Variants in GCM2 observed in about 807,000 individuals in gnomAD.
GCM2 encodes the protein GCM transcription factor 2.
Under a neutral mutation model 24.8 loss-of-function variants are expected in GCM2, and 21 were observed. That is an observed-to-expected ratio of 0.85 (90% CI 0.60 to 1.22). The LOEUF (loss-of-function observed/expected upper bound fraction) is 1.22. Ranked by LOEUF, GCM2 falls within the 50% of genes most tolerant of loss-of-function variation. GCM2 has a pLI of 0.00. For synonymous variants in GCM2, 222 were observed against 238.0 expected, an observed-to-expected ratio of 0.93 and a Z score of 0.62; for missense variants, 532 against 645.6, an observed-to-expected ratio of 0.82 and a Z score of 1.91.
chr6:10,877,476 A>G (rs545524583), intron 1 of GCM2, 84 bp from the exon 2 acceptor site: 2 of 1,429,470 alleles, frequency 1.4e-6, no homozygotes, highest in Non-Finnish European at 2.0e-6. Context: ...TGAGCACATT[A>G]GGATACAAAC....
Position 10,881,851 on chromosome 6 carries a change from C to A in GCM2, c.-58G>T. The A allele has an allele frequency of 7.4e-7, 1 of 1,358,362 alleles. No individual in the cohort carries two copies. The highest frequency in any genetic ancestry group is 1.0e-6 in the Non-Finnish European group (1 of 962,900). 84.1% of individuals were successfully genotyped at this position (1,358,362 alleles called of 1,614,324 possible). A position where few individuals can be genotyped will look rare whatever the true frequency, so the allele number is the denominator to read the frequency against. ...TTCTGAAAAATAGAAGAAAAAAGGA[C>A]AGGTGCGCCAGGTGGGTTTTTTTTC... On this transcript the variant is annotated 5_prime_UTR_variant, in exon 1 of 5. Coordinates refer to ENST00000379491, the MANE Select transcript of GCM2 (RefSeq NM_004752.4).
At chr6:10,879,984 G>A (rs750864145) in intron 1 of GCM2, among the ~76,000 whole-genome samples, 9 of 152,150 alleles carry the variant, frequency 5.9e-5, no homozygotes, top group East Asian at 1.9e-4. Flanking sequence ...GGCCAGGCAC[G>A]GTGGCTCACG....
In GCM2 at chr6:10,874,252, C is replaced by G; in HGVS notation, c.1264G>C (p.Gly422Arg). The change falls in exon 5 of 5, where the codon GGG becomes CGG. Residue 422 changes from glycine (G) to arginine (R), a missense_variant. Around this residue, in one of 3 missense-constraint regions of GCM2, gnomAD observed 434 missense variants for 521.9 expected, o/e 0.83. Transcript: ENST00000379491. ...SSCNYAPEDTGMSVYPEPWGP... is the reference protein window; with the variant it reads ...SSCNYAPEDTRMSVYPEPWGP... ...CAGGGTTCTGGATAGACAGACATCC[C>G]AGTATCTTCAGGAGCATAGTTACAG... 6.2e-7 allele frequency: 1 copy of G among 1,614,194 alleles called. No individual in the cohort carries two copies. Among genetic ancestry groups the G allele is most frequent in the Non-Finnish European group, 8.5e-7 (1 of 1,180,036 alleles).
In GCM2 at chr6:10,881,790, G is replaced by A. The variant is rs17581133; in HGVS notation, c.4C>T (p.Pro2Ser). 1 of 1,607,212 alleles carries A rather than the reference G, an allele frequency of 6.2e-7. No individual in the cohort carries two copies. The highest frequency in any genetic ancestry group is 8.5e-7 in the Non-Finnish European group (1 of 1,179,774). The change falls in exon 1 of 5, where the codon CCG (proline) becomes TCG (serine). Residue 2 changes from proline to serine, a missense_variant. Around this residue, in one of 3 missense-constraint regions of GCM2, gnomAD observed 96 missense variants for 103.5 expected, o/e 0.93. Coordinates refer to ENST00000379491, the MANE Select transcript of GCM2 (RefSeq NM_004752.4). M[P>S]AAAVQEAVGV... is the part of the protein sequence containing the mutation. ...ACCGCTTCCTGCACCGCGGCCGCCG[G>A]CATCTGCCCAACTCGCTCGCGCTTT...
intron 3 of GCM2, 119 bp downstream of exon 3, chr6:10,876,326 T>G: frequency 1.3e-6 from 1 of 760,916 alleles, no homozygotes; most frequent in South Asian, 1.4e-5. Context: ...AGCACCTATT[T>G]CTGGCCACTG....
At chr6:10,876,123 G>T in intron 3 of GCM2, 107 bp from the exon 4 acceptor site, 1 of 1,220,704 alleles carries the variant, frequency 8.2e-7, no homozygotes, top group Non-Finnish European at 1.2e-6. Context: ...GTTTAGTTTT[G>T]TTTCTTTCAA....
chr6:10,876,311 G>A, intron 3 of GCM2, 134 bp downstream of exon 3: 1 of 735,430 alleles, frequency 1.4e-6, no homozygotes, highest in Non-Finnish European at 2.5e-6. Flanking sequence ...TCCCTGGGGA[G>A]CTCCAGCACC....
Position 10,874,070 on chromosome 6 carries a change from C to T in GCM2, c.1446G>A (p.Leu482=), listed in dbSNP as rs1779840158. The T allele has an allele frequency of 1.2e-6, 2 of 1,614,232 alleles. No homozygotes were observed. Among genetic ancestry groups the T allele is most frequent in the African/African-American group, 1.3e-5 (1 of 75,072 alleles). Residue 482 remains leucine (L), a synonymous_variant, in exon 5 of 5, where the codon CTG becomes CTA. Transcript: ENST00000379491. The part of the protein sequence containing the change: ...TDEAETWDVC[L]SGLGSAVSYS... ...AACTGACTGCGGAGCCCAGCCCAGA[C>T]AGACACACATCCCAAGTCTCTGCTT...
chr6:10,876,589 C>A, intron 2 of GCM2, 32 bp from the exon 3 acceptor site: 1 of 1,374,646 alleles, frequency 7.3e-7, no homozygotes, highest in South Asian at 1.2e-5. Context: ...AATATTAACC[C>A]TGACCCCAGA....
At position 10,881,749 on chromosome 6, in the gene GCM2, G is replaced by T. The variant is rs980629497; in HGVS notation, c.45C>A (p.Tyr15Ter). 1.2e-5 allele frequency: 20 copies of T among 1,611,112 alleles called. No individual in the cohort carries two copies. Among genetic ancestry groups the T allele is most frequent in the Non-Finnish European group, 1.7e-5 (20 of 1,179,964 alleles). ...AVQEAVGVCS[Y>*]GMQLSWDIND... The stretch of plus-strand genomic sequence containing the variant: ...TGATGTCCCAGCTGAGCTGCATCCC[G>T]TAGGAGCACACGCCGACCGCTTCCT... Residue 15 changes from tyrosine (Y) to a stop codon, truncating the protein, a stop_gained, in exon 1 of 5, where the codon TAC (tyrosine) becomes TAA (stop). Coordinates refer to ENST00000379491, the MANE Select transcript of GCM2 (RefSeq NM_004752.4). LOFTEE classifies it high-confidence loss of function.
rs1561673917 is a variant in GCM2 at position 10,881,836 on chromosome 6, TAGA to T, written c.-46_-44del. The T allele has an allele frequency of 6.5e-7, 1 of 1,549,796 alleles. No homozygotes were observed. The highest frequency in any genetic ancestry group is 1.1e-5 in the South Asian group (1 of 89,952). ...GCTTTCCGCCCAGGGTTCTGAAAAA[TAGA>T]AGAAAAAAGGACAGGTGCGCCAGGT... is the stretch of plus-strand genomic sequence containing the variant. On this transcript the variant is annotated 5_prime_UTR_variant, in exon 1 of 5. Coordinates refer to ENST00000379491, the MANE Select transcript of GCM2 (RefSeq NM_004752.4).
At chr6:10,881,467 C>T (rs558285921) in intron 1 of GCM2, among the ~76,000 whole-genome samples, 3 of 151,948 alleles carry the variant, frequency 2.0e-5, no homozygotes, top group South Asian at 4.2e-4. Flanking sequence ...CAAGAAGACA[C>T]ATTTCTAAAC....
chr6:10,879,333 G>T (rs1288482120), intron 1 of GCM2, among the ~76,000 whole-genome samples: 3 of 152,172 alleles, frequency 2.0e-5, no homozygotes, highest in Non-Finnish European at 4.4e-5. Context: ...ATGTAGACTA[G>T]GCCCCCATGC....
chr6:10,877,738 G>T (rs9461258), intron 1 of GCM2, among the ~76,000 whole-genome samples: 25,659 of 152,074 alleles, frequency 0.17, 3,312 homozygotes, highest in African/African-American at 0.36. Context: ...CTGGATCCAG[G>T]ATTTGCACCC....
chr6:10,873,980 C>T lies in GCM2; in HGVS notation c.*15G>A, dbSNP rs1335574005. 8.2e-6 allele frequency: 13 copies of T among 1,593,160 alleles called. No homozygotes were observed. Among genetic ancestry groups the T allele is most frequent in the Admixed American group, 3.3e-5 (2 of 59,972 alleles). On this transcript the variant is annotated 3_prime_UTR_variant, in exon 5 of 5. Transcript: ENST00000379491. ...GCCTGCATGCACACTGCTATTATGT[C>T]CCCTGGATTGTCTTTCAAAAATCCT... is the stretch of plus-strand genomic sequence containing the variant.
intron 3 of GCM2, 21 bp from the exon 4 acceptor site, chr6:10,876,037 A>G (rs1779872575): frequency 1.2e-6 from 2 of 1,613,696 alleles, no homozygotes; most frequent in South Asian, 2.2e-5. Context: ...GAGAAAATGA[A>G]TCATACATTT....
In GCM2 at chr6:10,875,879, G is replaced by C. The variant is rs761312964; in HGVS notation, c.582+12C>G. On this transcript the variant is annotated intron_variant, in intron 4 of 4. Coordinates refer to ENST00000379491, the MANE Select transcript of GCM2 (RefSeq NM_004752.4). Reference sequence around the variant, plus strand: ...GAGCTGAGACCACTGTGCACTATCAGCTCCCTGTTACCTCGGATTCTCGAA... The same window carrying C: ...GAGCTGAGACCACTGTGCACTATCACCTCCCTGTTACCTCGGATTCTCGAA... 2 of 1,613,688 alleles carry C rather than the reference G, an allele frequency of 1.2e-6. No individual in the cohort carries two copies. The highest frequency in any genetic ancestry group is 1.7e-6 in the Non-Finnish European group (2 of 1,179,716).
Position 10,874,443 on chromosome 6 carries a change from G to T in GCM2, c.1073C>A (p.Pro358His). ...HGQFQAMATR[P>H]YYNPELPCRY... ...GCAGGGAAGCTCTGGGTTATAATAA[G>T]GGCGAGTGGCCATGGCCTGAAACTG... Residue 358 changes from proline (P) to histidine (H), a missense_variant, in exon 5 of 5, where the codon CCT (proline) becomes CAT (histidine). Physicochemically the swap from Pro to His is moderately conservative, Grantham distance 77. Around this residue, in one of 3 missense-constraint regions of GCM2, gnomAD observed 434 missense variants for 521.9 expected, o/e 0.83. Transcript: ENST00000379491. The T allele has an allele frequency of 6.2e-7, 1 of 1,614,188 alleles. No individual in the cohort carries two copies. Among genetic ancestry groups the T allele is most frequent in the Non-Finnish European group, 8.5e-7 (1 of 1,180,034 alleles).
At chr6:10,877,735 C>A (rs1036320969) in intron 1 of GCM2, among the ~76,000 whole-genome samples, 6 of 152,142 alleles carry the variant, frequency 3.9e-5, no homozygotes, top group African/African-American at 1.4e-4. Flanking sequence ...GATCTGGATC[C>A]AGGATTTGCA....
Sources: allele counts gnomAD v4.1 joint callset (sites outside exome capture counted in the v4.1 genomes callset), GRCh38; gene constraint gnomAD v4.1.1; regional missense constraint gnomAD v4.1.1; transcripts MANE v1.5; gene names NCBI Gene and HGNC (gene_info 2026-07-23, HGNC 2026-07-21).